Variants in TEP1 observed in about 807,000 individuals in gnomAD.
The protein encoded by TEP1 is telomerase associated protein 1.
TEP1 carries 241 observed loss-of-function variants against 306.3 expected under a neutral mutation model. That is an observed-to-expected ratio of 0.79 (90% CI 0.71 to 0.88). TEP1 has a LOEUF of 0.88. Among genes scored for constraint, TEP1 ranks in the 40% least tolerant of loss-of-function variants. The pLI is 0.00. For missense variants in TEP1, 3,051 were observed against 3,276.1 expected (o/e 0.93, Z 1.68); for synonymous variants, 1,289 against 1,305.5 (o/e 0.99, Z 0.27).
chr14:20,371,177 A>C, intron 51 of TEP1, 41 bp downstream of exon 51: 1 of 1,565,388 alleles, frequency 6.4e-7, no homozygotes, highest in Non-Finnish European at 8.8e-7. Context: ...CACTGGTCCT[A>C]GACGAATGTT....
chr14:20,401,405 A>C, intron 8 of TEP1, 52 bp downstream of exon 8: 1 of 1,605,424 alleles, frequency 6.2e-7, no homozygotes, highest in Non-Finnish European at 8.5e-7. Context: ...CGGATGTTGA[A>C]AAGTTAAGGA....
rs1227279055 is a variant in TEP1 at position 20,381,215 on chromosome 14, T to C, written c.4647+98A>G. ...GGTCAAGGGAGTTTGGGAGGGGTAATGGCGGCGGTGATGGTGGAGATGGTA... is the reference window on the plus strand; with the variant it reads ...GGTCAAGGGAGTTTGGGAGGGGTAACGGCGGCGGTGATGGTGGAGATGGTA... On this transcript the variant is annotated intron_variant, in intron 32 of 54. Coordinates refer to ENST00000262715, the MANE Select transcript of TEP1 (RefSeq NM_007110.5). This position sits in a 1 kb window ranked among gnomAD's most constrained non-coding sequence, Gnocchi z 4.0. The C allele has an allele frequency of 2.3e-6, 3 of 1,328,480 alleles. No individual in the cohort carries two copies. Among genetic ancestry groups the C allele is most frequent in the East Asian group, 2.3e-5 (1 of 43,360 alleles). 82.3% of individuals were successfully genotyped at this position (1,328,480 alleles called of 1,614,324 possible). A position where few individuals can be genotyped will look rare whatever the true frequency, so the allele number is the denominator to read the frequency against.
At chr14:20,390,352 G>A (rs1025328152) in intron 15 of TEP1, among the ~76,000 whole-genome samples, 4 of 152,232 alleles carry the variant, frequency 2.6e-5, no homozygotes, top group Non-Finnish European at 4.4e-5. Context: ...TATCAGGAGT[G>A]TGAGAATACT....
chr14:20,382,965 A>G (rs1177009649), intron 27 of TEP1, among the ~76,000 whole-genome samples: 3 of 152,230 alleles, frequency 2.0e-5, no homozygotes, highest in African/African-American at 7.2e-5. Flanking sequence ...TCACCCCGAG[A>G]GGCCCTGGAA....
Position 20,371,586 on chromosome 14 carries a change from T to A in TEP1, c.7123A>T (p.Ser2375Cys). 1.2e-6 allele frequency: 2 copies of A among 1,600,778 alleles called. No homozygotes were observed. The highest frequency in any genetic ancestry group is 1.7e-6 in the Non-Finnish European group (2 of 1,177,104). ...ILQEDLGVLTSLDWAPDGHFL... is the reference protein window; with the variant it reads ...ILQEDLGVLTCLDWAPDGHFL... The stretch of plus-strand genomic sequence containing the variant: ...TGACCATCAGGAGCCCAATCCAGAC[T>A]TGTCAGCACCCCTAAGTCCTCCTGT... Residue 2375 changes from serine to cysteine, a missense_variant, in exon 50 of 55, where the codon AGT becomes TGT. Around this residue, in one of 3 missense-constraint regions of TEP1, gnomAD observed 1,540 missense variants for 1,705.9 expected, o/e 0.90. Transcript: ENST00000262715.
chr14:20,405,396 C>G (rs1266373120), intron 4 of TEP1, 55 bp downstream of exon 4: 3 of 1,603,328 alleles, frequency 1.9e-6, no homozygotes, highest in Admixed American at 1.7e-5. Context: ...ACACCATAAC[C>G]ACACTCCCAG....
At chr14:20,384,306 C>T (rs895115470) in intron 23 of TEP1, 74 bp from the exon 24 acceptor site, 13 of 1,608,624 alleles carry the variant, frequency 8.1e-6, no homozygotes, top group Non-Finnish European at 1.1e-5. Flanking sequence ...CTCACAGAGC[C>T]CCCGCCAAGC....
chr14:20,388,211 T>C, intron 17 of TEP1, 148 bp from the exon 18 acceptor site: 1 of 788,208 alleles, frequency 1.3e-6, no homozygotes, highest in Non-Finnish European at 2.0e-6. Flanking sequence ...AAGCAGTTTA[T>C]GCAGACTTAA....
rs1293251743 is a variant in TEP1 at position 20,371,911 on chromosome 14, T to C, written c.7077-279A>G. Among the ~76,000 whole-genome samples, 5 of 152,154 alleles carry C rather than the reference T, an allele frequency of 3.3e-5. No individual in the cohort carries two copies. In the East Asian group the frequency reaches 9.6e-4, roughly 29 times the overall value. On this transcript the variant is annotated intron_variant, in intron 49 of 54. Coordinates refer to ENST00000262715, the MANE Select transcript of TEP1 (RefSeq NM_007110.5). The stretch of plus-strand genomic sequence containing the variant: ...AAGGCCTGTGGATGCAACACATGCC[T>C]AAATCCGTATCTCCCCTTCTCATCT...
At position 20,404,672 on chromosome 14, in the gene TEP1, C is replaced by T. The variant is rs762456144; in HGVS notation, c.971G>A (p.Arg324Gln). 100 of 1,614,170 alleles carry T rather than the reference C, an allele frequency of 6.2e-5. No homozygotes were observed. Among genetic ancestry groups the T allele is most frequent in the Admixed American group, 1.2e-4 (7 of 60,018 alleles). Residue 324 changes from arginine to glutamine, a missense_variant, in exon 5 of 55, where the codon CGA becomes CAA. Around this residue, in one of 3 missense-constraint regions of TEP1, gnomAD observed 1,507 missense variants for 1,550.5 expected, o/e 0.97. Transcript: ENST00000262715. Reference sequence around the variant, plus strand: ...CAGCTGGACAATGGCACAGAAATATCGTCGCAGGTGGGGGCGACACGCCGG... The same window carrying T: ...CAGCTGGACAATGGCACAGAAATATTGTCGCAGGTGGGGGCGACACGCCGG... ...FLPACRPHLR[R>Q]YFCAIVQLPS... is the part of the protein sequence containing the mutation.
intron 15 of TEP1, among the ~76,000 whole-genome samples, 172 bp downstream of exon 15, chr14:20,390,509 G>GCTGCCTAGCT (rs1877605020): frequency 2.6e-5 from 4 of 152,210 alleles, no homozygotes; most frequent in Admixed American, 2.6e-4. Flanking sequence ...CTAGGCAGCT[G>GCTGCCTAGCT]GTTGTTAGAT....
chr14:20,375,881 C>A lies in TEP1; in HGVS notation c.6250-13G>T, dbSNP rs761886754. On this transcript the variant is annotated splice_polypyrimidine_tract_variant and intron_variant, in intron 42 of 54. Coordinates refer to ENST00000262715, the MANE Select transcript of TEP1 (RefSeq NM_007110.5). ...AGCAGAGGAGACTCTGGATAGGCCC[C>A]AAGGAGAGGGAGCAATCAGGACCAA... 6.3e-7 allele frequency: 1 copy of A among 1,596,000 alleles called. No homozygotes were observed.
At chr14:20,378,714 G>A (rs1885348843) in intron 37 of TEP1, 40 bp downstream of exon 37, 2 of 1,603,708 alleles carry the variant, frequency 1.2e-6, no homozygotes, top group Non-Finnish European at 1.7e-6. Context: ...GTGAGTCATG[G>A]CTCAGGGCCA....
Position 20,380,270 on chromosome 14 carries a change from C to A in TEP1, c.4968G>T (p.Trp1656Cys). ...RRWHLQHTLR[W>C]LNKPRTMKNQ... ...TTTTCATGGTCCGGGGTTTATTAAG[C>A]CATCGTAGTGTGTGTTGGAGGTGCC... Residue 1656 changes from tryptophan (W) to cysteine (C), a missense_variant, in exon 34 of 55, where the codon TGG (tryptophan) becomes TGT (cysteine). Coordinates refer to ENST00000262715, the MANE Select transcript of TEP1 (RefSeq NM_007110.5). 3 of 1,614,078 alleles carry A rather than the reference C, an allele frequency of 1.9e-6. No individual in the cohort carries two copies. The highest frequency in any genetic ancestry group is 1.7e-5 in the Admixed American group (1 of 60,014).
chr14:20,400,989 A>G lies in TEP1; in HGVS notation c.1544T>C (p.Leu515Pro). 6.2e-7 allele frequency: 1 copy of G among 1,614,116 alleles called. No homozygotes were observed. The highest frequency in any genetic ancestry group is 8.5e-7 in the Non-Finnish European group (1 of 1,180,010). Residue 515 changes from leucine to proline, a missense_variant, in exon 9 of 55, where the codon CTC becomes CCC. Leu to Pro is a moderately conservative substitution (Grantham distance 98). Coordinates refer to ENST00000262715, the MANE Select transcript of TEP1 (RefSeq NM_007110.5). The stretch of plus-strand genomic sequence containing the variant: ...GATGGTCAAGGTCACTCTACCAATG[A>G]GTTCCTCCCAGACCGACGCTTTGTT... ...RGNKASVWEELIENGKLPFMA... is the reference protein window; with the variant it reads ...RGNKASVWEEPIENGKLPFMA...
chr14:20,374,090 C>CT lies in TEP1; in HGVS notation c.6472-281dup, dbSNP rs199996170. Among the ~76,000 whole-genome samples the CT allele has an allele frequency of 6.8e-3, 973 of 142,164 alleles. 5 individuals are homozygous for CT. The highest frequency in any genetic ancestry group is 0.022 in the Middle Eastern group (6 of 268). 93.3% of individuals were successfully genotyped at this position (142,164 alleles called of 152,430 possible). Reference sequence around the variant, plus strand: ...CCCAAGTATCTCATTTTCTTTTTCTCTTTTTTTTTTTTTTAAAGATAGGGT... The same window carrying CT: ...CCCAAGTATCTCATTTTCTTTTTCTCTTTTTTTTTTTTTTTAAAGATAGGGT... On this transcript the variant is annotated intron_variant, in intron 44 of 54. Coordinates refer to ENST00000262715, the MANE Select transcript of TEP1 (RefSeq NM_007110.5).
intron 12 of TEP1, 61 bp downstream of exon 12, chr14:20,395,389 C>T: frequency 1.3e-6 from 2 of 1,482,570 alleles, no homozygotes; most frequent in Non-Finnish European, 1.8e-6. Context: ...CAGATGACTT[C>T]CAACCTGTGC....
chr14:20,399,550 T>C (rs1284492547), intron 9 of TEP1, among the ~76,000 whole-genome samples: 1 of 149,940 alleles, frequency 6.7e-6, no homozygotes, highest in African/African-American at 2.4e-5. Context: ...TTTATATTTA[T>C]TTTTGGCTGG....
chr14:20,378,063 A>G lies in TEP1; in HGVS notation c.5682T>C (p.His1894=), dbSNP rs776813094. Residue 1894 remains histidine (H), a synonymous_variant, in exon 39 of 55, where the codon CAT becomes CAC. Transcript: ENST00000262715. ...CAGCCGTCAGTAACTGGCAACCCGC[A>G]TGCAGGAAAAGCGCAGCAGCAACAA... ...HGFVAAALFL[H]AGCQLLTAGE... is the part of the protein sequence containing the mutation. The G allele has an allele frequency of 4.3e-6, 7 of 1,613,578 alleles. No homozygotes were observed. The African/African-American group carries it at 5.3e-5, about 12-fold the overall frequency.
Sources: allele counts gnomAD v4.1 joint callset (sites outside exome capture counted in the v4.1 genomes callset), GRCh38; gene constraint gnomAD v4.1.1; regional missense constraint gnomAD v4.1.1; non-coding constraint Gnocchi (gnomAD v3.1); transcripts MANE v1.5; gene names NCBI Gene and HGNC (gene_info 2026-07-23, HGNC 2026-07-21).